CARMIL3: variants seen among roughly 807,000 people sequenced by gnomAD.
The protein encoded by CARMIL3 is capping protein, Arp2/3 and myosin-I linker protein 3.
In CARMIL3, 88 loss-of-function variants were observed where a neutral mutation model predicts 180.8. That is an observed-to-expected ratio of 0.49 (90% confidence interval 0.41 to 0.58). The LOEUF (loss-of-function observed/expected upper bound fraction) is 0.58. Ranked by LOEUF, CARMIL3 falls within the 20% of genes least tolerant of loss-of-function variation. CARMIL3 has a pLI of 0.00. For synonymous variants in CARMIL3, 696 were observed against 714.5 expected (o/e 0.97, Z 0.41); for missense variants, 1,548 against 1,787.0 (o/e 0.87, Z 2.41).
chr14:24,059,715 C>G lies in CARMIL3; in HGVS notation c.1851C>G (p.Ile617Met). 1 of 1,614,076 alleles carries G rather than the reference C, an allele frequency of 6.2e-7. No individual in the cohort carries two copies. Among genetic ancestry groups the G allele is most frequent in the Non-Finnish European group, 8.5e-7 (1 of 1,180,000 alleles). ...CATCTGCCCTGGGCTTCCTGGACAT[C>G]GCAAGGGCCCTGGAGAGGTGAGTAG... ...NNTSALGFLDIARALESNHTL... is the reference protein window; with the variant it reads ...NNTSALGFLDMARALESNHTL... Residue 617 changes from isoleucine to methionine, a missense_variant, in exon 22 of 40, where the codon ATC (isoleucine) becomes ATG (methionine). Around this residue, in one of 4 missense-constraint regions of CARMIL3, gnomAD observed 297 missense variants for 415.9 expected, o/e 0.71. Transcript: ENST00000342740. The surrounding 1 kb of genome is among the most constrained non-coding windows in gnomAD (Gnocchi z 6.3).
chr14:24,054,648 T>C lies in CARMIL3; in HGVS notation c.363-63T>C. ...GGTTTTTCCTGGGATGCAGGAGCTATAACGTGGGAAGAACTGAGAGCCTCT... is the reference window on the plus strand; with the variant it reads ...GGTTTTTCCTGGGATGCAGGAGCTACAACGTGGGAAGAACTGAGAGCCTCT... On this transcript the variant is annotated intron_variant, in intron 5 of 39. Transcript: ENST00000342740. This position sits in a 1 kb window ranked among gnomAD's most constrained non-coding sequence, Gnocchi z 5.1. 1 of 1,546,486 alleles carries C rather than the reference T, an allele frequency of 6.5e-7. No individual in the cohort carries two copies. Among genetic ancestry groups the C allele is most frequent in the East Asian group, 2.3e-5 (1 of 44,104 alleles).
In CARMIL3 at chr14:24,060,968, T is replaced by C; in HGVS notation, c.2232T>C (p.Asn744=). ...SLYELGHVLA[N]DGPVRQRLES... is the part of the protein sequence containing the mutation. ...ATGAGCTGGGCCACGTGCTGGCCAA[T>C]GATGGGCCTGTGCGGCAGAGGCTGG... Residue 744 remains asparagine, a synonymous_variant, in exon 26 of 40, where the codon AAT becomes AAC. Transcript: ENST00000342740. 1.3e-6 allele frequency: 2 copies of C among 1,551,650 alleles called. No individual in the cohort carries two copies. Among genetic ancestry groups the C allele is most frequent in the Non-Finnish European group, 1.7e-6 (2 of 1,146,964 alleles).
In CARMIL3 at chr14:24,060,831, G is replaced by A. The variant is rs180952510; in HGVS notation, c.2190+75G>A. On this transcript the variant is annotated intron_variant, in intron 25 of 39. Transcript: ENST00000342740. ...AGGCCGACCATGCTAAGCCATGACAGCCCTGCCCTGTGCATCTGCCTTCCT... is the reference window on the plus strand; with the variant it reads ...AGGCCGACCATGCTAAGCCATGACAACCCTGCCCTGTGCATCTGCCTTCCT... 7.1e-5 allele frequency: 111 copies of A among 1,563,750 alleles called. No homozygotes were observed. In the East Asian group the frequency reaches 2.4e-3, roughly 33 times the overall value.
At position 24,056,306 on chromosome 14, in the gene CARMIL3, G is replaced by T. The variant is rs565665746; in HGVS notation, c.778G>T (p.Val260Phe). The change falls in exon 11 of 40, where the codon GTC (valine) becomes TTC (phenylalanine). Residue 260 changes from valine to phenylalanine, a missense_variant. By Grantham distance (50) the Val-to-Phe change is conservative. This residue lies in a region of CARMIL3 where 578 missense variants were observed against 666.5 expected (regional missense o/e 0.87). Transcript: ENST00000342740. The part of the protein sequence containing the change: ...LDNAGLKTDF[V>F]QKLAGVFGEN... ...TCCTCCCCTTCCCTGAAGGGACTTT[G>T]TCCAGAAGCTGGCCGGGGTGTTTGG... 1.2e-6 allele frequency: 2 copies of T among 1,613,872 alleles called. No individual in the cohort carries two copies. The highest frequency in any genetic ancestry group is 2.2e-5 in the East Asian group (1 of 44,882).
At position 24,065,107 on chromosome 14, in the gene CARMIL3, T is replaced by G. The variant is rs570190492; in HGVS notation, c.3230T>G (p.Leu1077Arg). 84 of 1,534,024 alleles carry G rather than the reference T, an allele frequency of 5.5e-5. No individual in the cohort carries two copies. The East Asian group carries it at 9.7e-4, about 18-fold the overall frequency. ...DRGPGSPTTG[L>R]LLPPPPPPPP... ...GGGCCGGGGTCCCCTACCACTGGAC[T>G]CCTCCTCCCTCCACCCCCACCCCCT... Residue 1077 changes from leucine (L) to arginine (R), a missense_variant, in exon 33 of 40, where the codon CTC becomes CGC. Physicochemically the swap from Leu to Arg is moderately radical, Grantham distance 102. This residue lies in a region of CARMIL3 where 668 missense variants were observed against 687.8 expected (regional missense o/e 0.97). Coordinates refer to ENST00000342740, the MANE Select transcript of CARMIL3 (RefSeq NM_138360.4).
Position 24,061,177 on chromosome 14 carries a change from A to T in CARMIL3, c.2304+137A>T. 1 of 733,976 alleles carries T rather than the reference A, an allele frequency of 1.4e-6. No homozygotes were observed. 45.5% of individuals were successfully genotyped at this position (733,976 alleles called of 1,614,324 possible). A position where few individuals can be genotyped will look rare whatever the true frequency, so the allele number is the denominator to read the frequency against. On this transcript the variant is annotated intron_variant, in intron 26 of 39. Transcript: ENST00000342740. The surrounding 1 kb of genome is among the most constrained non-coding windows in gnomAD (Gnocchi z 4.1). ...CAGAGTTGAGACCACCCACGCTCCC[A>T]CTGTACCAAGGCATTGCTGCAATAT...
rs748162154 is a variant in CARMIL3, at chr14:24,059,226, A to C, written c.1626+37A>C. 19 of 1,613,644 alleles carry C rather than the reference A, an allele frequency of 1.2e-5. No individual in the cohort carries two copies. The Admixed American group carries it at 3.2e-4, about 27-fold the overall frequency. ...GGCCTGGGAGGGGACCTGCAGTCGG[A>C]GGAGGCTGTGGGGACTGGGTCCAAC... is the stretch of plus-strand genomic sequence containing the variant. On this transcript the variant is annotated intron_variant, in intron 20 of 39. Transcript: ENST00000342740. The surrounding 1 kb of genome is among the most constrained non-coding windows in gnomAD (Gnocchi z 6.3).
intron 6 of CARMIL3, 36 bp from the exon 7 acceptor site, chr14:24,055,030 T>C (rs1252577289): frequency 6.2e-7 from 1 of 1,607,896 alleles, no homozygotes; most frequent in Non-Finnish European, 8.5e-7. Context: ...CCCATCTCCT[T>C]ACCCTCATGG....
chr14:24,055,645 T>C, intron 9 of CARMIL3, 27 bp downstream of exon 9: 2 of 1,613,728 alleles, frequency 1.2e-6, no homozygotes, highest in Non-Finnish European at 8.5e-7. Flanking sequence ...GCTGGTGAGG[T>C]GGGAGAAGTA....
At chr14:24,067,012 G>GCCA (rs2035794082) in intron 36 of CARMIL3, among the ~76,000 whole-genome samples, 2 of 152,174 alleles carry the variant, frequency 1.3e-5, no homozygotes, top group Non-Finnish European at 2.9e-5. Flanking sequence ...GAAGAGGGTG[G>GCCA]GCAAGTCAAA....
In CARMIL3 at chr14:24,054,365, G is replaced by GTC; in HGVS notation, c.247-29_247-28dup. Reference sequence around the variant, plus strand: ...TGGAGGAGGGAGCAGAGAGGAGGGAGTCTGAGGCTCTGACGCTTCGTCTCC... The same window carrying GTC: ...TGGAGGAGGGAGCAGAGAGGAGGGAGTCTCTGAGGCTCTGACGCTTCGTCTCC... On this transcript the variant is annotated intron_variant, in intron 4 of 39. Coordinates refer to ENST00000342740, the MANE Select transcript of CARMIL3 (RefSeq NM_138360.4). This position sits in a 1 kb window ranked among gnomAD's most constrained non-coding sequence, Gnocchi z 5.1. The GTC allele has an allele frequency of 6.2e-7, 1 of 1,613,860 alleles. No individual in the cohort carries two copies. The highest frequency in any genetic ancestry group is 8.5e-7 in the Non-Finnish European group (1 of 1,179,772).
rs1312703628 is a variant in CARMIL3 at position 24,060,971 on chromosome 14, T to C, written c.2235T>C (p.Asp745=). 16 of 1,551,568 alleles carry C rather than the reference T, an allele frequency of 1.0e-5. No individual in the cohort carries two copies. Among genetic ancestry groups the C allele is most frequent in the Non-Finnish European group, 1.3e-5 (15 of 1,146,992 alleles). ...LYELGHVLAN[D]GPVRQRLESV... is the part of the protein sequence containing the mutation. ...AGCTGGGCCACGTGCTGGCCAATGA[T>C]GGGCCTGTGCGGCAGAGGCTGGAAT... The change falls in exon 26 of 40, where the codon GAT becomes GAC. Residue 745 remains aspartate (D), a synonymous_variant. Transcript: ENST00000342740.
intron 31 of CARMIL3, among the ~76,000 whole-genome samples, chr14:24,063,871 A>G (rs1004570925): frequency 1.3e-5 from 2 of 150,844 alleles, no homozygotes; most frequent in African/African-American, 4.9e-5. Context: ...TGAGGCGGGC[A>G]GATCACGAGG....
At chr14:24,064,547 G>T (rs2035765837) in intron 32 of CARMIL3, among the ~76,000 whole-genome samples, 1 of 152,198 alleles carries the variant, frequency 6.6e-6, no homozygotes, top group South Asian at 2.1e-4. Flanking sequence ...CAGCTGGGAA[G>T]AATGGGGCCA....
Position 24,054,718 on chromosome 14 carries a change from A to T in CARMIL3, c.370A>T (p.Ile124Phe). 1.2e-6 allele frequency: 2 copies of T among 1,613,656 alleles called. No homozygotes were observed. Among genetic ancestry groups the T allele is most frequent in the Non-Finnish European group, 1.7e-6 (2 of 1,179,814 alleles). Residue 124 changes from isoleucine (I) to phenylalanine (F), a missense_variant, in exon 6 of 40, where the codon ATC becomes TTC. This residue lies in a region of CARMIL3 where 578 missense variants were observed against 666.5 expected (regional missense o/e 0.87). Transcript: ENST00000342740. This position sits in a 1 kb window ranked among gnomAD's most constrained non-coding sequence, Gnocchi z 5.1. ...GACTTGTTTCTTTTCCAGGTGTTTG[A>T]TCCGGCGTGGAAACGCAGACACCCC... ...SKVCPGPGCL[I>F]RRGNADTPEG...
chr14:24,053,369 C>T (rs946596652), intron 1 of CARMIL3, among the ~76,000 whole-genome samples: 6 of 152,048 alleles, frequency 3.9e-5, no homozygotes, highest in African/African-American at 1.4e-4. Flanking sequence ...GTGTCAATGG[C>T]TGTTGTAGTG....
intron 38 of CARMIL3, 35 bp downstream of exon 38, chr14:24,069,001 AC>A: frequency 6.5e-7 from 1 of 1,537,724 alleles, no homozygotes; most frequent in Non-Finnish European, 8.8e-7. Context: ...GGCTCAGGGC[AC>A]CTCTAGGACT....
chr14:24,059,710 G>A lies in CARMIL3; in HGVS notation c.1846G>A (p.Asp616Asn). Residue 616 changes from aspartate (D) to asparagine (N), a missense_variant, in exon 22 of 40, where the codon GAC becomes AAC. Asp to Asn is a conservative substitution (Grantham distance 23). Around this residue, in one of 4 missense-constraint regions of CARMIL3, gnomAD observed 297 missense variants for 415.9 expected, o/e 0.71. Transcript: ENST00000342740. This position sits in a 1 kb window ranked among gnomAD's most constrained non-coding sequence, Gnocchi z 6.3. The stretch of plus-strand genomic sequence containing the variant: ...CAATACATCTGCCCTGGGCTTCCTG[G>A]ACATCGCAAGGGCCCTGGAGAGGTG... ...RNNTSALGFL[D>N]IARALESNHT... The A allele has an allele frequency of 6.2e-7, 1 of 1,614,088 alleles. No individual in the cohort carries two copies. Among genetic ancestry groups the A allele is most frequent in the Non-Finnish European group, 8.5e-7 (1 of 1,180,016 alleles).
chr14:24,055,270 C>T lies in CARMIL3; in HGVS notation c.565C>T (p.Arg189Trp), dbSNP rs755838540. ...VDTIYHAEDN[R>W]EFNLLDFSHL... is the part of the protein sequence containing the mutation. ...CACCATCTACCATGCTGAAGATAAC[C>T]GGGAGTTCAATCTTTTGGATTTCAG... Residue 189 changes from arginine to tryptophan, a missense_variant, in exon 8 of 40, where the codon CGG becomes TGG. Physicochemically the swap from Arg to Trp is moderately radical, Grantham distance 101. Coordinates refer to ENST00000342740, the MANE Select transcript of CARMIL3 (RefSeq NM_138360.4). 3.1e-6 allele frequency: 5 copies of T among 1,614,010 alleles called. No individual in the cohort carries two copies. The highest frequency in any genetic ancestry group is 1.7e-5 in the Admixed American group (1 of 59,994).
Sources: gnomAD v4.1 joint callset for allele counts (sites outside exome capture counted in the v4.1 genomes callset) on GRCh38, gnomAD v4.1.1 for gene constraint, gnomAD v4.1.1 regional missense constraint, Gnocchi (gnomAD v3.1) non-coding constraint, MANE v1.5 for transcripts, NCBI Gene and HGNC (gene_info 2026-07-23, HGNC 2026-07-21) for gene names.